The following ADD2 variants were observed in gnomAD, a reference collection of about 807,000 sequenced individuals.
The protein encoded by ADD2 is adducin 2, also known as beta-adducin.
In ADD2, 23 loss-of-function variants were observed where a neutral mutation model predicts 83.0. That is an observed-to-expected ratio of 0.28 (90% CI 0.20 to 0.39). ADD2 has a LOEUF of 0.39. ADD2 is among the 10% of genes least tolerant of loss of function. The probability of loss-of-function intolerance (pLI) is 1.00; values close to 1 mark genes in which losing one functional copy is unlikely to be tolerated. For missense variants in ADD2, 758 were observed against 944.9 expected, an observed-to-expected ratio of 0.80 and a Z score of 2.59; for synonymous variants, 375 against 375.4, an observed-to-expected ratio of 1.00 and a Z score of 0.01.
rs781925181 is a variant in ADD2 at position 70,683,763 on chromosome 2, G to A, written c.953C>T (p.Ser318Leu). 41 of 1,609,526 alleles carry A rather than the reference G, an allele frequency of 2.5e-5. No homozygotes were observed. Among genetic ancestry groups the A allele is most frequent in the Non-Finnish European group, 3.3e-5 (39 of 1,176,582 alleles). Residue 318 changes from serine to leucine, a missense_variant, in exon 10 of 16, where the codon TCG becomes TTG. By Grantham distance (145) the Ser-to-Leu change is moderately radical. Around this residue, in one of 5 missense-constraint regions of ADD2, gnomAD observed 394 missense variants for 509.3 expected, o/e 0.77. Transcript: ENST00000264436. ...CACTCCCCCGGCACTGGACAGAGCC[G>A]ACACCTGTAGCAAAGAGCAGAGAGC... ...HLQAACEIQV[S>L]ALSSAGGVEN...
At chr2:70,703,427 C>T (rs1441282632) in intron 4 of ADD2, among the ~76,000 whole-genome samples, 10 of 152,056 alleles carry the variant, frequency 6.6e-5, no homozygotes, top group African/African-American at 2.2e-4. Flanking sequence ...GGCACTCTAC[C>T]GCATTACTGT....
At chr2:70,747,262 G>A (rs955735672) in intron 1 of ADD2, among the ~76,000 whole-genome samples, 3 of 152,086 alleles carry the variant, frequency 2.0e-5, no homozygotes, top group South Asian at 2.1e-4. Context: ...CACCTGTCTC[G>A]GCCTCCCAAA....
chr2:70,755,504 G>C (rs1000067782), intron 1 of ADD2, among the ~76,000 whole-genome samples: 1 of 152,142 alleles, frequency 6.6e-6, no homozygotes, highest in Non-Finnish European at 1.5e-5. Flanking sequence ...CTCCTCACTA[G>C]AGTGTAAACT....
chr2:70,701,565 C>G (rs1158410372), intron 4 of ADD2, among the ~76,000 whole-genome samples: 1 of 152,008 alleles, frequency 6.6e-6, no homozygotes, highest in Non-Finnish European at 1.5e-5. Context: ...ATGAAGGAAG[C>G]AAAATGATCA....
intron 1 of ADD2, among the ~76,000 whole-genome samples, chr2:70,721,479 C>T (rs190476457): frequency 4.7e-4 from 72 of 152,290 alleles, no homozygotes; most frequent in Non-Finnish European, 8.5e-4. Context: ...GCTAAATGCT[C>T]CTTTTGAGTC....
At chr2:70,698,148 G>A (rs1671402552) in intron 4 of ADD2, among the ~76,000 whole-genome samples, 1 of 152,238 alleles carries the variant, frequency 6.6e-6, no homozygotes, top group East Asian at 1.9e-4. Flanking sequence ...AGGTGGGCAG[G>A]TGGGGCTGAT....
intron 1 of ADD2, among the ~76,000 whole-genome samples, chr2:70,734,294 C>G (rs1028853142): frequency 2.0e-5 from 3 of 152,286 alleles, no homozygotes; most frequent in South Asian, 4.1e-4. Context: ...CTTAGGGAAG[C>G]AGGATTGGCC....
chr2:70,714,185 A>G (rs755521177), intron 1 of ADD2, among the ~76,000 whole-genome samples: 20 of 152,196 alleles, frequency 1.3e-4, no homozygotes, highest in Non-Finnish European at 1.9e-4. Context: ...ACAAGTAATG[A>G]CAAGTGATCA....
chr2:70,693,826 GT>G (rs1671175086), intron 6 of ADD2, among the ~76,000 whole-genome samples: 2 of 152,224 alleles, frequency 1.3e-5, no homozygotes, highest in South Asian at 4.2e-4. Context: ...TGTTGGATGT[GT>G]GATCTGTTGT....
At chr2:70,691,533 T>C (rs1224737357) in intron 7 of ADD2, 2 of 151,866 alleles carry the variant, frequency 1.3e-5, no homozygotes, top group Non-Finnish European at 2.9e-5. Flanking sequence ...TGAAACACAT[T>C]CCCCCACCAC....
chr2:70,706,253 C>G lies in ADD2; in HGVS notation c.156G>C (p.Lys52Asn). 6.2e-7 allele frequency: 1 copy of G among 1,614,082 alleles called. No homozygotes were observed. The highest frequency in any genetic ancestry group is 8.5e-7 in the Non-Finnish European group (1 of 1,180,008). The change falls in exon 3 of 16, where the codon AAG (lysine) becomes AAC (asparagine). Residue 52 changes from lysine (K) to asparagine (N), a missense_variant. By Grantham distance (94) the Lys-to-Asn change is moderately conservative. Coordinates refer to ENST00000264436, the MANE Select transcript of ADD2 (RefSeq NM_001617.4). This position sits in a 1 kb window ranked among gnomAD's most constrained non-coding sequence, Gnocchi z 5.0. ...GACTCTGCAGGATCATGGTGACGCG[C>G]TTCTTCTGCTCCATCAGGTTGAAGT... ...RQDFNLMEQKKRVTMILQSPS... is the reference protein window; with the variant it reads ...RQDFNLMEQKNRVTMILQSPS...
chr2:70,757,657 A>G (rs1553384100), intron 1 of ADD2, among the ~76,000 whole-genome samples: 1 of 152,218 alleles, frequency 6.6e-6, no homozygotes, highest in Non-Finnish European at 1.5e-5. Flanking sequence ...ATCTGACATG[A>G]GGAAAGCAGG....
chr2:70,742,276 C>A (rs1275058937), intron 1 of ADD2, among the ~76,000 whole-genome samples: 1 of 152,086 alleles, frequency 6.6e-6, no homozygotes, highest in African/African-American at 2.4e-5. Context: ...GAGAGTAAAA[C>A]CCATTTGTGT....
chr2:70,741,324 C>G (rs1673891195), intron 1 of ADD2: 1 of 152,146 alleles, frequency 6.6e-6, no homozygotes, highest in South Asian at 2.1e-4. Context: ...TTGTTTACAG[C>G]CTTACACTAT....
intron 1 of ADD2, among the ~76,000 whole-genome samples, chr2:70,745,643 TC>T (rs1674153957): frequency 6.6e-6 from 1 of 152,168 alleles, no homozygotes. Flanking sequence ...CCAAAAACCC[TC>T]CCAGGAGAGC....
chr2:70,706,342 G>A lies in ADD2; in HGVS notation c.67C>T (p.Arg23Cys), dbSNP rs1343339534. Residue 23 changes from arginine (R) to cysteine (C), a missense_variant, in exon 3 of 16, where the codon CGC (arginine) becomes TGC (cysteine). By Grantham distance (180) the Arg-to-Cys change is radical. Around this residue, in one of 5 missense-constraint regions of ADD2, gnomAD observed 175 missense variants for 192.1 expected, o/e 0.91. Transcript: ENST00000264436. The surrounding 1 kb of genome is among the most constrained non-coding windows in gnomAD (Gnocchi z 5.0). The part of the protein sequence containing the change: ...PPPQGQPYFD[R>C]FSEDDPEYMR... Reference sequence around the variant, plus strand: ...TACTCGGGGTCGTCCTCTGAGAAGCGGTCAAAGTAAGGCTGCCCCTGCGGG... The same window carrying A: ...TACTCGGGGTCGTCCTCTGAGAAGCAGTCAAAGTAAGGCTGCCCCTGCGGG... 1.2e-6 allele frequency: 2 copies of A among 1,613,898 alleles called. No individual in the cohort carries two copies. The highest frequency in any genetic ancestry group is 1.7e-4 in the Middle Eastern group (1 of 6,060).
At chr2:70,700,826 T>C (rs1671549930) in intron 4 of ADD2, among the ~76,000 whole-genome samples, 1 of 152,044 alleles carries the variant, frequency 6.6e-6, no homozygotes, top group Non-Finnish European at 1.5e-5. Flanking sequence ...AAAAACTCCA[T>C]AAAATGGTTT....
intron 4 of ADD2, among the ~76,000 whole-genome samples, chr2:70,703,161 AAAAG>A (rs1450881963): frequency 3.4e-5 from 3 of 89,026 alleles, no homozygotes; most frequent in Admixed American, 1.1e-4. Flanking sequence ...AGAAGAAAAG[AAAAG>A]AAAGAAAAGA....
intron 1 of ADD2, among the ~76,000 whole-genome samples, chr2:70,717,138 C>G (rs1026288097): frequency 1.8e-4 from 28 of 151,976 alleles, no homozygotes; most frequent in Admixed American, 1.4e-3. Flanking sequence ...AGCTCACTTC[C>G]TCACACCTCT....
Sources: allele counts gnomAD v4.1 joint callset (sites outside exome capture counted in the v4.1 genomes callset), GRCh38; gene constraint gnomAD v4.1.1; regional missense constraint gnomAD v4.1.1; non-coding constraint Gnocchi (gnomAD v3.1); transcripts MANE v1.5; gene names NCBI Gene and HGNC (gene_info 2026-07-23, HGNC 2026-07-21).